The following BMP8B variants were observed in gnomAD, a reference collection of about 807,000 sequenced individuals.
The protein encoded by BMP8B is bone morphogenetic protein 8b.
BMP8B carries 17 observed loss-of-function variants against 30.3 expected under a neutral mutation model. The observed-to-expected ratio is 0.56, with a 90% CI of 0.38 to 0.84. The LOEUF (loss-of-function observed/expected upper bound fraction) is 0.84. Ranked by LOEUF, BMP8B falls within the 40% of genes least tolerant of loss-of-function variation. The probability of loss-of-function intolerance (pLI) is 0.00; values close to 1 mark genes in which losing one functional copy is unlikely to be tolerated. For synonymous variants in BMP8B, 131 were observed against 214.7 expected (o/e 0.61, Z 3.41); for missense variants, 253 against 494.6 (o/e 0.51, Z 4.63).
At chr1:39,766,013 G>A (rs1184894370) in intron 3 of BMP8B, among the ~76,000 whole-genome samples, 7 of 151,598 alleles carry the variant, frequency 4.6e-5, no homozygotes, top group African/African-American at 9.7e-5. Flanking sequence ...CCAGCTGGGC[G>A]ACAGAATGAG....
At chr1:39,779,466 G>A (rs1490506612) in intron 1 of BMP8B, among the ~76,000 whole-genome samples, 1 of 152,212 alleles carries the variant, frequency 6.6e-6, no homozygotes, top group Non-Finnish European at 1.5e-5. Flanking sequence ...CTGGGGAGGA[G>A]GAGAAAGAGG....
chr1:39,776,310 T>C (rs1019869021), intron 1 of BMP8B, among the ~76,000 whole-genome samples: 1 of 152,182 alleles, frequency 6.6e-6, no homozygotes, highest in African/African-American at 2.4e-5. Flanking sequence ...GCAGTCTCAC[T>C]TTAGCCTCCC....
chr1:39,788,321 A>C lies in BMP8B; in HGVS notation c.165T>G (p.Pro55=). Reference sequence around the variant, plus strand: ...GTGGCGCGCGGGGCCGGGGCCGCCCAGGCAGCCCGAGCACCGCCAGGATCT... The same window carrying C: ...GTGGCGCGCGGGGCCGGGGCCGCCCCGGCAGCCCGAGCACCGCCAGGATCT... ...QREILAVLGL[P]GRPRPRAPPA... Residue 55 remains proline, a synonymous_variant, in exon 1 of 7, where the codon CCT becomes CCG. Transcript: ENST00000372827. The surrounding 1 kb of genome is among the most constrained non-coding windows in gnomAD (Gnocchi z 5.8). 1 of 1,232,498 alleles carries C rather than the reference A, an allele frequency of 8.1e-7. No individual in the cohort carries two copies. The highest frequency in any genetic ancestry group is 1.0e-6 in the Non-Finnish European group (1 of 992,498). The allele number at this position is 1,232,498 out of a possible 1,614,324, so 76.3% of individuals were successfully genotyped here.
At chr1:39,763,885 T>A (rs1341377368) in intron 4 of BMP8B, 94 bp from the exon 5 acceptor site, 10 of 1,368,406 alleles carry the variant, frequency 7.3e-6, no homozygotes, top group Middle Eastern at 2.2e-4. Context: ...GATGAGCACA[T>A]TTGTCAAATA....
chr1:39,782,451 G>A (rs1246925968), intron 1 of BMP8B, among the ~76,000 whole-genome samples: 1 of 98,336 alleles, frequency 1.0e-5, no homozygotes, highest in Middle Eastern at 5.4e-3. Flanking sequence ...AGCAGTGCCA[G>A]ACACTTGCTT....
intron 3 of BMP8B, chr1:39,770,111 G>C: frequency 8.2e-7 from 1 of 1,215,158 alleles, no homozygotes; most frequent in Non-Finnish European, 1.1e-6. Context: ...CATGGCGAAG[G>C]AGTCGTCGCT....
intron 6 of BMP8B, among the ~76,000 whole-genome samples, chr1:39,761,722 T>C (rs1489599752): frequency 2.0e-5 from 3 of 152,104 alleles, no homozygotes; most frequent in Non-Finnish European, 4.4e-5. Flanking sequence ...GGAACATTCC[T>C]CCTCCAGCTG....
chr1:39,783,576 A>G (rs1031739047), intron 1 of BMP8B, among the ~76,000 whole-genome samples: 5 of 152,242 alleles, frequency 3.3e-5, no homozygotes, highest in African/African-American at 1.2e-4. Flanking sequence ...ACAAAGTTGC[A>G]AAACAGTGAG....
chr1:39,768,248 A>G (rs1649736913), intron 3 of BMP8B, among the ~76,000 whole-genome samples: 2 of 146,938 alleles, frequency 1.4e-5, no homozygotes, highest in South Asian at 4.5e-4. Context: ...TGATGCAGGA[A>G]CAATTCAAAT....
intron 3 of BMP8B, among the ~76,000 whole-genome samples, chr1:39,767,018 G>T (rs570794110): frequency 1.8e-3 from 272 of 152,346 alleles, no homozygotes; most frequent in Non-Finnish European, 2.7e-3. Context: ...CTGCCATGGG[G>T]CCTGAGAGGC....
intron 1 of BMP8B, among the ~76,000 whole-genome samples, chr1:39,779,287 T>C (rs970968032): frequency 2.6e-5 from 4 of 152,246 alleles, no homozygotes; most frequent in East Asian, 1.9e-4. Context: ...GGGCCGGCCC[T>C]ACTCTGTCCC....
chr1:39,763,092 C>G lies in BMP8B; in HGVS notation c.1059G>C (p.Leu353=), dbSNP rs1281948264. 1.2e-6 allele frequency: 2 copies of G among 1,613,628 alleles called. No homozygotes were observed. Among genetic ancestry groups the G allele is most frequent in the African/African-American group, 2.7e-5 (2 of 74,906 alleles). Residue 353 remains leucine (L), a splice_region_variant and synonymous_variant, in exon 6 of 7, where the codon CTG becomes CTC. Transcript: ENST00000372827. ...TGGGCAGGATGGGCATGGTACTGAC[C>G]AGGGACTGCAGGATGGCGTGGTTGG... ...NATNHAILQS[L]VHLMMPDAVP...
chr1:39,769,301 A>T (rs1195894176), intron 3 of BMP8B, among the ~76,000 whole-genome samples: 2 of 150,680 alleles, frequency 1.3e-5, no homozygotes, highest in Non-Finnish European at 3.0e-5. Flanking sequence ...CAGTAGTAAA[A>T]TGTCCCTTCA....
At chr1:39,781,723 G>T (rs1650649350) in intron 1 of BMP8B, among the ~76,000 whole-genome samples, 1 of 152,198 alleles carries the variant, frequency 6.6e-6, no homozygotes, top group African/African-American at 2.4e-5. Flanking sequence ...GGAGCTCTGG[G>T]GGCTGGTGGC....
In BMP8B at chr1:39,760,327, G is replaced by T; in HGVS notation, c.*92C>A. The T allele has an allele frequency of 6.4e-7, 1 of 1,567,700 alleles. No individual in the cohort carries two copies. The highest frequency in any genetic ancestry group is 8.6e-7 in the Non-Finnish European group (1 of 1,158,236). Reference sequence around the variant, plus strand: ...GAGGGTCCTCCCTGGCAATGCCCCGGCCTGGGGTCTGGCTGGGTTTGAGGG... The same window carrying T: ...GAGGGTCCTCCCTGGCAATGCCCCGTCCTGGGGTCTGGCTGGGTTTGAGGG... On this transcript the variant is annotated 3_prime_UTR_variant, in exon 7 of 7. Coordinates refer to ENST00000372827, the MANE Select transcript of BMP8B (RefSeq NM_001720.5).
At chr1:39,775,561 G>T (rs749968552) in intron 1 of BMP8B, among the ~76,000 whole-genome samples, 2 of 152,208 alleles carry the variant, frequency 1.3e-5, no homozygotes, top group Admixed American at 6.5e-5. Flanking sequence ...GAGGGCTCAG[G>T]GCTGACAGCT....
intron 3 of BMP8B, chr1:39,770,732 G>T: frequency 9.1e-7 from 1 of 1,102,834 alleles, no homozygotes; most frequent in Admixed American, 2.8e-5. Context: ...GCCGTCCGGG[G>T]TGTAGCGGAT....
In BMP8B at chr1:39,784,685, C is replaced by T. The variant is rs1346085874; in HGVS notation, c.334+3467G>A. 4.1e-5 allele frequency among the ~76,000 whole-genome samples: 5 copies of T among 123,368 alleles called. 2 individuals are homozygous for T. The highest frequency in any genetic ancestry group is 9.1e-5 in the Non-Finnish European group (5 of 54,866). The allele number at this position is 123,368 out of a possible 152,430, so 80.9% of individuals were successfully genotyped here. A position where few individuals can be genotyped will look rare whatever the true frequency, so the allele number is the denominator to read the frequency against. Reference sequence around the variant, plus strand: ...CCAAAGGAAGTGGCCCTGGGGCCCACGGAGATGGTGCCACCCTTCTAGGTC... The same window carrying T: ...CCAAAGGAAGTGGCCCTGGGGCCCATGGAGATGGTGCCACCCTTCTAGGTC... On this transcript the variant is annotated intron_variant, in intron 1 of 6. Transcript: ENST00000372827.
At chr1:39,779,308 A>AC (rs781241797) in intron 1 of BMP8B, among the ~76,000 whole-genome samples, 1 of 152,066 alleles carries the variant, frequency 6.6e-6, no homozygotes, top group East Asian at 2.0e-4. Context: ...ACCTGACCAG[A>AC]CCCAGGCTCC....
Sources: gnomAD v4.1 joint callset for allele counts (sites outside exome capture counted in the v4.1 genomes callset) on GRCh38, gnomAD v4.1.1 for gene constraint, Gnocchi (gnomAD v3.1) non-coding constraint, MANE v1.5 for transcripts, NCBI Gene and HGNC (gene_info 2026-07-23, HGNC 2026-07-21) for gene names.